PXDNL: variants seen among roughly 807,000 people sequenced by gnomAD.
The protein encoded by PXDNL is peroxidasin like.
PXDNL carries 145 observed loss-of-function variants against 150.8 expected under a neutral mutation model. That is an observed-to-expected ratio of 0.96 (90% CI 0.84 to 1.10). PXDNL has a LOEUF of 1.10. PXDNL is among the 50% of genes least tolerant of loss of function. PXDNL has a pLI of 0.00. For missense variants in PXDNL, 2,087 were observed against 1,873.9 expected (o/e 1.11, Z -2.10); for synonymous variants, 757 against 725.7 (o/e 1.04, Z -0.69).
intron 1 of PXDNL, among the ~76,000 whole-genome samples, chr8:51,795,680 C>G (rs1049981165): frequency 2.6e-5 from 4 of 152,126 alleles, no homozygotes; most frequent in Non-Finnish European, 5.9e-5. Flanking sequence ...ACTAAATGCC[C>G]AAAAAGCTAG....
At position 51,809,315 on chromosome 8, in the gene PXDNL, A is replaced by G. The variant is rs1203073710; in HGVS notation, c.30T>C (p.Thr10=). 6.4e-7 allele frequency: 1 copy of G among 1,568,748 alleles called. No homozygotes were observed. Among genetic ancestry groups the G allele is most frequent in the Admixed American group, 1.9e-5 (1 of 52,018 alleles). ...GGCACCACCCGGCCAGGAGAAAGAG[A>G]GTGGTCCAGCAGAACAGTCTGGGCT... The part of the protein sequence containing the change: MEPRLFCWT[T]LFLLAGWCLP... Residue 10 remains threonine, a synonymous_variant, in exon 1 of 23, where the codon ACT becomes ACC. Coordinates refer to ENST00000356297, the MANE Select transcript of PXDNL (RefSeq NM_144651.5).
intron 1 of PXDNL, among the ~76,000 whole-genome samples, chr8:51,805,373 A>G (rs1188860749): frequency 6.7e-6 from 1 of 148,272 alleles, no homozygotes; most frequent in African/African-American, 2.4e-5. Context: ...AATTTAAATT[A>G]TAAAATTATG....
chr8:51,399,325 A>G (rs767467175), intron 17 of PXDNL, among the ~76,000 whole-genome samples: 1 of 152,258 alleles, frequency 6.6e-6, no homozygotes, highest in Non-Finnish European at 1.5e-5. Flanking sequence ...TACGGGAAAC[A>G]ACCCAAATGG....
chr8:51,703,394 A>T (rs1816297530), intron 1 of PXDNL, among the ~76,000 whole-genome samples: 1 of 152,080 alleles, frequency 6.6e-6, no homozygotes, highest in Non-Finnish European at 1.5e-5. Context: ...CATGTTATTT[A>T]TGGGGAATTG....
intron 2 of PXDNL, among the ~76,000 whole-genome samples, chr8:51,612,311 G>A (rs1814025920): frequency 6.6e-6 from 1 of 152,112 alleles, no homozygotes; most frequent in South Asian, 2.1e-4. Context: ...GCAGATATAG[G>A]AGGAGAAAGG....
At chr8:51,562,032 T>G in intron 3 of PXDNL, among the ~76,000 whole-genome samples, 1 of 151,832 alleles carries the variant, frequency 6.6e-6, no homozygotes, top group Non-Finnish European at 1.5e-5. Context: ...TTCATTGTTC[T>G]TTTTCATATT....
At chr8:51,409,649 CCCA>C in intron 16 of PXDNL, 88 bp from the exon 17 acceptor site, 1 of 1,057,206 alleles carries the variant, frequency 9.5e-7, no homozygotes, top group African/African-American at 1.8e-5. Context: ...GGAACCACCT[CCCA>C]CCCCGCCCGC....
At chr8:51,772,683 C>G (rs968566832) in intron 1 of PXDNL, among the ~76,000 whole-genome samples, 2 of 152,120 alleles carry the variant, frequency 1.3e-5, no homozygotes, top group Non-Finnish European at 2.9e-5. Flanking sequence ...TGTATGAAGT[C>G]TGTGTGGAAG....
At chr8:51,502,307 G>A (rs1208547965) in intron 4 of PXDNL, among the ~76,000 whole-genome samples, 2 of 152,158 alleles carry the variant, frequency 1.3e-5, no homozygotes, top group Non-Finnish European at 2.9e-5. Context: ...CCAGAGATGA[G>A]CTATGGAAAC....
intron 21 of PXDNL, 103 bp from the exon 22 acceptor site, chr8:51,321,000 AC>A: frequency 1.2e-6 from 1 of 833,954 alleles, no homozygotes; most frequent in Non-Finnish European, 1.9e-6. Context: ...GTAAGCACAC[AC>A]CTAGAAGGCA....
intron 1 of PXDNL, among the ~76,000 whole-genome samples, chr8:51,798,206 T>G (rs774332248): frequency 3.1e-4 from 47 of 152,254 alleles, no homozygotes; most frequent in Non-Finnish European, 3.4e-4. Flanking sequence ...AAGACTTAAA[T>G]GTAAAACCCA....
At chr8:51,626,266 A>G (rs1286456493) in intron 2 of PXDNL, among the ~76,000 whole-genome samples, 1 of 152,198 alleles carries the variant, frequency 6.6e-6, no homozygotes, top group Non-Finnish European at 1.5e-5. Flanking sequence ...CATCTATACA[A>G]CTACATAAAC....
intron 1 of PXDNL, among the ~76,000 whole-genome samples, chr8:51,708,131 TG>T (rs1257320875): frequency 6.6e-6 from 1 of 152,220 alleles, no homozygotes; most frequent in Non-Finnish European, 1.5e-5. Context: ...TACTAGCTCC[TG>T]AGAATATATG....
intron 2 of PXDNL, among the ~76,000 whole-genome samples, chr8:51,632,609 C>A (rs957128131): frequency 4.6e-5 from 7 of 151,940 alleles, no homozygotes; most frequent in African/African-American, 1.5e-4. Flanking sequence ...ATCAATCAAT[C>A]AATAAAGTAT....
At chr8:51,749,392 T>C (rs902132656) in intron 1 of PXDNL, among the ~76,000 whole-genome samples, 1 of 152,232 alleles carries the variant, frequency 6.6e-6, no homozygotes, top group Non-Finnish European at 1.5e-5. Context: ...TCCTAGGCTA[T>C]ATGGTATACC....
intron 1 of PXDNL, among the ~76,000 whole-genome samples, chr8:51,750,189 TTTTTTTTTCTTTTTAAAC>T (rs890675424): frequency 6.6e-6 from 1 of 151,874 alleles, no homozygotes; most frequent in Non-Finnish European, 1.5e-5. Context: ...GCTTTTTAAA[TTTTTTTTTCTTTTTAAAC>T]TTTTTTGTTA....
intron 1 of PXDNL, among the ~76,000 whole-genome samples, chr8:51,793,226 A>G (rs1438787719): frequency 2.0e-5 from 3 of 152,210 alleles, no homozygotes; most frequent in Non-Finnish European, 4.4e-5. Context: ...CAGCAGCCCT[A>G]TGAAAGAGGG....
intron 4 of PXDNL, among the ~76,000 whole-genome samples, chr8:51,514,978 G>T (rs1811504182): frequency 6.6e-6 from 1 of 152,172 alleles, no homozygotes; most frequent in Admixed American, 6.5e-5. Flanking sequence ...TCATGACATT[G>T]TCTTAAGCAG....
At chr8:51,468,900 A>G (rs1487021709) in intron 8 of PXDNL, among the ~76,000 whole-genome samples, 1 of 151,954 alleles carries the variant, frequency 6.6e-6, no homozygotes, top group Admixed American at 6.6e-5. Context: ...CTTACTTTAA[A>G]GTTGTTCAGT....
Sources: allele counts gnomAD v4.1 joint callset (sites outside exome capture counted in the v4.1 genomes callset), GRCh38; gene constraint gnomAD v4.1.1; transcripts MANE v1.5; gene names NCBI Gene and HGNC (gene_info 2026-07-23, HGNC 2026-07-21).